PIK3R4: variants seen among roughly 807,000 people sequenced by gnomAD.
PIK3R4 encodes phosphoinositide 3-kinase regulatory subunit 4.
A neutral mutation model predicts 136.5 loss-of-function variants in PIK3R4; 46 were observed. The ratio of observed to expected loss-of-function variants is 0.34; its 90% CI spans 0.27 to 0.43. The LOEUF is 0.43. Among genes scored for constraint, PIK3R4 ranks in the 20% least tolerant of loss-of-function variants. The pLI, the probability that PIK3R4 is intolerant of heterozygous loss-of-function variation, is 1.00. For synonymous variants in PIK3R4, 557 were observed against 566.7 expected (o/e 0.98, Z 0.24); for missense variants, 1,331 against 1,649.5 (o/e 0.81, Z 3.35).
At chr3:130,728,406 G>A in intron 6 of PIK3R4, 57 bp downstream of exon 6, 1 of 1,027,504 alleles carries the variant, frequency 9.7e-7, no homozygotes, top group South Asian at 1.6e-5. Flanking sequence ...AGATTGCATG[G>A]AAGTATTTGA....
intron 14 of PIK3R4, among the ~76,000 whole-genome samples, chr3:130,689,267 G>A (rs960907454): frequency 1.3e-5 from 2 of 152,220 alleles, no homozygotes; most frequent in African/African-American, 4.8e-5. Flanking sequence ...GCCATTGGCT[G>A]AGAGACAACC....
intron 7 of PIK3R4, 110 bp from the exon 8 acceptor site, chr3:130,718,644 C>G (rs2066680649): frequency 2.1e-6 from 2 of 949,410 alleles, no homozygotes; most frequent in Admixed American, 4.5e-5. Flanking sequence ...CACAGTGTTA[C>G]TATCAGGAGC....
At chr3:130,689,277 C>T (rs1392403288) in intron 14 of PIK3R4, among the ~76,000 whole-genome samples, 2 of 152,178 alleles carry the variant, frequency 1.3e-5, no homozygotes, top group East Asian at 1.9e-4. Flanking sequence ...GAGAGACAAC[C>T]GTGCACTGAA....
At chr3:130,699,484 G>A (rs1220701364) in intron 13 of PIK3R4, among the ~76,000 whole-genome samples, 1 of 152,156 alleles carries the variant, frequency 6.6e-6, no homozygotes, top group African/African-American at 2.4e-5. Context: ...TGTTTTTCCA[G>A]ACTACCACAG....
intron 13 of PIK3R4, among the ~76,000 whole-genome samples, chr3:130,700,065 GT>G (rs2066567121): frequency 6.6e-6 from 1 of 152,116 alleles, no homozygotes; most frequent in South Asian, 2.1e-4. Context: ...CTTTTCATAA[GT>G]TTTCTCTTTC....
intron 2 of PIK3R4, among the ~76,000 whole-genome samples, chr3:130,740,336 T>C (rs1386952862): frequency 6.6e-6 from 1 of 152,220 alleles, no homozygotes; most frequent in East Asian, 1.9e-4. Flanking sequence ...GAGACATTAT[T>C]GGGTCAAATA....
At chr3:130,688,703 T>A (rs754378358) in intron 14 of PIK3R4, among the ~76,000 whole-genome samples, 13 of 152,152 alleles carry the variant, frequency 8.5e-5, no homozygotes, top group Non-Finnish European at 1.6e-4. Flanking sequence ...AAAAAGAACA[T>A]CATAAAACAT....
chr3:130,705,437 G>T, intron 12 of PIK3R4, 124 bp downstream of exon 12: 1 of 660,574 alleles, frequency 1.5e-6, no homozygotes, highest in Non-Finnish European at 2.7e-6. Flanking sequence ...CTTCTTCTGG[G>T]TTTCCCAAAT....
chr3:130,687,441 T>C (rs1436602931), intron 14 of PIK3R4, among the ~76,000 whole-genome samples: 1 of 152,168 alleles, frequency 6.6e-6, no homozygotes, highest in African/African-American at 2.4e-5. Context: ...CCCTTTATAA[T>C]TACTCAATAT....
At chr3:130,743,191 G>A (rs2066833865) in intron 2 of PIK3R4, among the ~76,000 whole-genome samples, 1 of 151,976 alleles carries the variant, frequency 6.6e-6, no homozygotes, top group South Asian at 2.1e-4. Context: ...TGGGATGACA[G>A]CTTGAGCTCA....
chr3:130,708,241 T>C (rs139650657), intron 10 of PIK3R4, 50 bp downstream of exon 10: 51,537 of 1,439,032 alleles, frequency 0.036, 1,110 homozygotes, highest in South Asian at 0.057. Flanking sequence ...AACAGTCTTA[T>C]GAAATAACTA....
Position 130,679,301 on chromosome 3 carries a change from C to G in PIK3R4, c.*14G>C. ...ATATTTATAACTATTAAAATTTATA[C>G]AAATCAGTAGGTTTTATTTCCACAC... On this transcript the variant is annotated 3_prime_UTR_variant, in exon 20 of 20. Transcript: ENST00000356763. The G allele has an allele frequency of 6.6e-7, 1 of 1,505,264 alleles. No homozygotes were observed. The allele number at this position is 1,505,264 out of a possible 1,614,324, so 93.2% of individuals were successfully genotyped here.
At chr3:130,728,808 T>C (rs959331031) in intron 5 of PIK3R4, 124 bp from the exon 6 acceptor site, 2 of 618,638 alleles carry the variant, frequency 3.2e-6, no homozygotes, top group Non-Finnish European at 5.1e-6. Context: ...GATTACAGAA[T>C]CCACCGAAGA....
intron 13 of PIK3R4, among the ~76,000 whole-genome samples, chr3:130,694,199 T>C (rs2066534316): frequency 1.3e-5 from 2 of 152,106 alleles, no homozygotes; most frequent in African/African-American, 2.4e-5. Flanking sequence ...AGTTTTGAAA[T>C]ACAGAAGTGT....
At chr3:130,712,839 C>CGA (rs2107611018) in intron 9 of PIK3R4, among the ~76,000 whole-genome samples, 1 of 152,260 alleles carries the variant, frequency 6.6e-6, no homozygotes, top group South Asian at 2.1e-4. Flanking sequence ...TGCACATGGG[C>CGA]TTCTCCCTAA....
chr3:130,723,712 C>A, intron 6 of PIK3R4, 125 bp from the exon 7 acceptor site: 1 of 700,906 alleles, frequency 1.4e-6, no homozygotes, highest in Non-Finnish European at 2.2e-6. Flanking sequence ...GAACATTGCA[C>A]TTCCTACCCA....
intron 8 of PIK3R4, 25 bp downstream of exon 8, chr3:130,718,364 T>G (rs1007615117): frequency 6.3e-7 from 1 of 1,597,546 alleles, no homozygotes; most frequent in African/African-American, 1.3e-5. Context: ...GAGGAAAGAC[T>G]GACTCCAACT....
At chr3:130,694,359 C>T (rs958340158) in intron 13 of PIK3R4, among the ~76,000 whole-genome samples, 9 of 151,456 alleles carry the variant, frequency 5.9e-5, no homozygotes, top group African/African-American at 2.2e-4. Flanking sequence ...CGCATCTGTA[C>T]ATCGAGAGAT....
At chr3:130,701,889 G>A (rs1262776463) in intron 13 of PIK3R4, among the ~76,000 whole-genome samples, 1 of 151,824 alleles carries the variant, frequency 6.6e-6, no homozygotes, top group African/African-American at 2.4e-5. Flanking sequence ...CCAGCATTTT[G>A]GGAGACTTGA....
Sources: gnomAD v4.1 joint callset for allele counts (sites outside exome capture counted in the v4.1 genomes callset) on GRCh38, gnomAD v4.1.1 for gene constraint, MANE v1.5 for transcripts, NCBI Gene and HGNC (gene_info 2026-07-23, HGNC 2026-07-21) for gene names.